MGST1: variants seen among roughly 807,000 people sequenced by gnomAD.
The protein encoded by MGST1 is microsomal glutathione S-transferase 1.
A neutral mutation model predicts 8.9 loss-of-function variants in MGST1; 5 were observed. The ratio of observed to expected loss-of-function variants is 0.56; its 90% CI spans 0.29 to 1.19. The LOEUF (loss-of-function observed/expected upper bound fraction) is 1.19, where lower values mean the gene tolerates loss of function less well. Ranked by LOEUF, MGST1 falls within the 50% of genes most tolerant of loss-of-function variation. The probability of loss-of-function intolerance (pLI) is 0.08; values close to 1 mark genes in which losing one functional copy is unlikely to be tolerated. For synonymous variants in MGST1, 54 were observed against 67.8 expected, an observed-to-expected ratio of 0.80 and a Z score of 1.00; for missense variants, 182 against 187.4, an observed-to-expected ratio of 0.97 and a Z score of 0.17.
chr12:16,566,276 A>G (rs1375533834), intron 4 of MGST1, among the ~76,000 whole-genome samples: 2 of 151,488 alleles, frequency 1.3e-5, no homozygotes, highest in Admixed American at 1.3e-4. Flanking sequence ...AAGGGGAGAG[A>G]TTGGTCAATG....
Position 16,510,556 on chromosome 12 carries a change from GC to G in MGST1, n.483-78971del, listed in dbSNP as rs573127262. Among the ~76,000 whole-genome samples, 142 of 152,276 alleles carry G rather than the reference GC, an allele frequency of 9.3e-4. No individual in the cohort carries two copies. The East Asian group carries it at 0.018, about 19-fold the overall frequency. On this transcript the variant is annotated intron_variant and non_coding_transcript_variant, in intron 4 of 4. Coordinates refer to the MGST1 transcript ENST00000538857. Reference sequence around the variant, plus strand: ...TTGCCACCCATTACCTTATCAGTATGCAAACCTTGGTTTTCCATTTTGAATT... The same window carrying G: ...TTGCCACCCATTACCTTATCAGTATGAAACCTTGGTTTTCCATTTTGAATT...
chr12:16,510,485 T>C (rs1227780227), intron 4 of MGST1, among the ~76,000 whole-genome samples: 1 of 152,226 alleles, frequency 6.6e-6, no homozygotes, highest in East Asian at 1.9e-4. Context: ...CACATTGTAA[T>C]ATTGAGTTAT....
intron 3 of MGST1, among the ~76,000 whole-genome samples, chr12:16,371,030 G>A (rs780268090): frequency 5.9e-5 from 9 of 152,074 alleles, no homozygotes; most frequent in East Asian, 3.9e-4. Flanking sequence ...TTACTTTTCC[G>A]AAAAATTCAA....
At position 16,428,562 on chromosome 12, in the gene MGST1, C is replaced by T. The variant is rs189259545; in HGVS notation, n.779-8826C>T. 5.9e-5 allele frequency among the ~76,000 whole-genome samples: 9 copies of T among 151,728 alleles called. No individual in the cohort carries two copies. In the East Asian group the frequency reaches 1.7e-3, roughly 29 times the overall value. On this transcript the variant is annotated intron_variant and non_coding_transcript_variant, in intron 1 of 1. Transcript: ENST00000359720. ...ATTTTGGAAGATTTCAACAATTTCA[C>T]TGATATTGCATCTGTATGAAATTCA...
At chr12:16,569,597 C>T (rs1193976377) in intron 4 of MGST1, among the ~76,000 whole-genome samples, 2 of 152,142 alleles carry the variant, frequency 1.3e-5, no homozygotes, top group African/African-American at 2.4e-5. Flanking sequence ...GAATGTTTTT[C>T]CCTTAACATT....
chr12:16,452,205 G>A (rs1941134397), intron 4 of MGST1, among the ~76,000 whole-genome samples: 1 of 151,772 alleles, frequency 6.6e-6, no homozygotes, highest in African/African-American at 2.4e-5. Flanking sequence ...CTATAAGATA[G>A]CCAATTAGAA....
rs1942406221 is a variant in MGST1, at chr12:16,561,569, TA to T, written n.483-27954del. On this transcript the variant is annotated intron_variant and non_coding_transcript_variant, in intron 4 of 4. Coordinates refer to the MGST1 transcript ENST00000538857. The stretch of plus-strand genomic sequence containing the variant: ...CTATAGAGAAAACTCATTTTGGTTA[TA>T]AAAATGTACTTTTAAAAACCTTAGC... 2.6e-5 allele frequency among the ~76,000 whole-genome samples: 4 copies of T among 152,354 alleles called. No individual in the cohort carries two copies. In the South Asian group the frequency reaches 8.3e-4, roughly 32 times the overall value.
intron 3 of MGST1, among the ~76,000 whole-genome samples, chr12:16,358,779 CTTTTTTTTTTTTTTTTTTT>C (rs35081887): frequency 1.7e-5 from 1 of 57,574 alleles, no homozygotes; most frequent in Non-Finnish European, 3.1e-5. Context: ...AAATTCATTC[CTTTTTTTTTTTTTTTTTTT>C]TTTTTTTTTT....
intron 1 of MGST1, chr12:16,399,556 C>G (rs1247946475): frequency 6.9e-6 from 11 of 1,583,630 alleles, no homozygotes; most frequent in Non-Finnish European, 9.5e-6. Flanking sequence ...CTGTCCTCCT[C>G]TTCCTCTTCA....
chr12:16,499,863 C>A (rs917284765), intron 4 of MGST1, among the ~76,000 whole-genome samples: 1 of 152,058 alleles, frequency 6.6e-6, no homozygotes, highest in Non-Finnish European at 1.5e-5. Flanking sequence ...TTAAGGCTAC[C>A]AGAGAAATGC....
chr12:16,414,593 T>G (rs932220082), intron 1 of MGST1, among the ~76,000 whole-genome samples: 1 of 151,836 alleles, frequency 6.6e-6, no homozygotes, highest in African/African-American at 2.4e-5. Context: ...TATTTTGTAT[T>G]TTTAGTAGAG....
rs1940075142 is a variant in MGST1, at chr12:16,363,150, T to C, written c.222-645T>C. 1 of 152,244 alleles carries C rather than the reference T, an allele frequency of 6.6e-6. No individual in the cohort carries two copies. The highest frequency in any genetic ancestry group is 2.4e-5 in the African/African-American group (1 of 41,472). 9.4% of individuals were successfully genotyped at this position (152,244 alleles called of 1,614,324 possible). On this transcript the variant is annotated intron_variant, in intron 3 of 3. Transcript: ENST00000396210. This position sits in a 1 kb window ranked among gnomAD's most constrained non-coding sequence, Gnocchi z 4.6. Reference sequence around the variant, plus strand: ...TTTCACCTATCCTACTTTTTGTGTGTCCTTTGTAGTTTTGCACCATCATTC... The same window carrying C: ...TTTCACCTATCCTACTTTTTGTGTGCCCTTTGTAGTTTTGCACCATCATTC...
chr12:16,515,426 C>T (rs1383643310), intron 4 of MGST1, among the ~76,000 whole-genome samples: 2 of 152,002 alleles, frequency 1.3e-5, no homozygotes, highest in South Asian at 4.1e-4. Context: ...CACTTGAGGA[C>T]AGAAGTCTGA....
Position 16,560,535 on chromosome 12 carries a change from G to T in MGST1, n.483-28993G>T, listed in dbSNP as rs755359866. The T allele has an allele frequency of 6.2e-7, 1 of 1,605,330 alleles. No homozygotes were observed. The highest frequency in any genetic ancestry group is 1.1e-5 in the South Asian group (1 of 89,228). On this transcript the variant is annotated intron_variant and non_coding_transcript_variant, in intron 4 of 4. Transcript: ENST00000538857. The surrounding 1 kb of genome is among the most constrained non-coding windows in gnomAD (Gnocchi z 5.0). ...CAGCGCAGTTTCCCGTTACACCAAAGAGCCTAGAATAAGAAACATTTTTTT... is the reference window on the plus strand; with the variant it reads ...CAGCGCAGTTTCCCGTTACACCAAATAGCCTAGAATAAGAAACATTTTTTT...
intron 4 of MGST1, among the ~76,000 whole-genome samples, chr12:16,510,510 C>G (rs1229123536): frequency 1.3e-5 from 2 of 152,126 alleles, no homozygotes; most frequent in Non-Finnish European, 2.9e-5. Context: ...GTCTTTATTT[C>G]AGTTGATTCA....
At chr12:16,356,393 G>A (rs1246788751) in intron 2 of MGST1, among the ~76,000 whole-genome samples, 1 of 152,038 alleles carries the variant, frequency 6.6e-6, no homozygotes, top group Admixed American at 6.6e-5. Context: ...GAACAAGACA[G>A]ACAGGCCTGA....
intron 4 of MGST1, among the ~76,000 whole-genome samples, chr12:16,506,478 T>C (rs1941538538): frequency 6.6e-6 from 1 of 152,108 alleles, no homozygotes; most frequent in African/African-American, 2.4e-5. Context: ...TGCAGAAACC[T>C]GAGAGACATA....
chr12:16,567,188 C>T (rs944548504), intron 4 of MGST1, among the ~76,000 whole-genome samples: 1 of 147,428 alleles, frequency 6.8e-6, no homozygotes, highest in Non-Finnish European at 1.5e-5. Flanking sequence ...AAGAGTGAAA[C>T]TCCACCTCAA....
intron 1 of MGST1, among the ~76,000 whole-genome samples, chr12:16,404,511 T>C (rs1940683960): frequency 1.3e-5 from 2 of 152,010 alleles, no homozygotes; most frequent in African/African-American, 4.8e-5. Context: ...TTCTTTTTTC[T>C]CTATTAGTAT....
Sources: allele counts gnomAD v4.1 joint callset (sites outside exome capture counted in the v4.1 genomes callset), GRCh38; gene constraint gnomAD v4.1.1; non-coding constraint Gnocchi (gnomAD v3.1); transcripts MANE v1.5; gene names NCBI Gene and HGNC (gene_info 2026-07-23, HGNC 2026-07-21).